Variants in DCAF8L2 observed in about 807,000 individuals in gnomAD.
DCAF8L2 encodes the protein DDB1- and CUL4-associated factor 8-like protein 2.
For synonymous variants in DCAF8L2, 200 were observed against 190.9 expected, an observed-to-expected ratio of 1.05 and a Z score of -0.39; for missense variants, 430 against 490.7, an observed-to-expected ratio of 0.88 and a Z score of 1.17.
the DCAF8L2 span, among the ~76,000 whole-genome samples, chrX:27,494,936 C>CT: frequency 0.019 from 2,127 of 110,959 alleles, 22 homozygotes; most frequent in Middle Eastern, 0.032. Context: ...GAATTCTGAT[C>CT]TTTTTTTTGC....
At chrX:27,646,361 A>G (rs1928937243) in intron 2 of DCAF8L2, among the ~76,000 whole-genome samples, 3 of 107,522 alleles carry the variant, frequency 2.8e-5, no homozygotes, top group Admixed American at 1.0e-4. Flanking sequence ...GGCTAGACAT[A>G]TGCAGAAAAT....
chrX:27,571,932 C>T, the DCAF8L2 span, among the ~76,000 whole-genome samples: 75 of 111,317 alleles, frequency 6.7e-4, no homozygotes, highest in South Asian at 7.6e-3. Flanking sequence ...TTGGTCAACC[C>T]GCTAAATAAG....
the DCAF8L2 span, chrX:27,519,888 TTATA>T: frequency 7.5e-6 from 2 of 266,308 alleles, no homozygotes; most frequent in African/African-American, 5.6e-5. Flanking sequence ...GATATTTTAA[TTATA>T]TACTTTTTTT....
chrX:27,705,822 T>TTGCGATTGTTTTTGC (rs1325221076), intron 3 of DCAF8L2, among the ~76,000 whole-genome samples: 3 of 112,152 alleles, frequency 2.7e-5, no homozygotes, highest in African/African-American at 9.7e-5. Flanking sequence ...GTTGTTTTTG[T>TTGCGATTGTTTTTGC]TGCGATTGTT....
chrX:27,703,810 T>C (rs1412686818), intron 3 of DCAF8L2, among the ~76,000 whole-genome samples: 2 of 110,483 alleles, frequency 1.8e-5, no homozygotes, highest in South Asian at 7.5e-4. Flanking sequence ...TATTTATTTG[T>C]ATTGTATTTA....
chrX:27,737,628 A>G (rs1921605062), intron 4 of DCAF8L2, among the ~76,000 whole-genome samples: 1 of 111,500 alleles, frequency 9.0e-6, no homozygotes, highest in African/African-American at 3.3e-5. Context: ...GCACTTTCAC[A>G]GGACCCTCTG....
intron 1 of DCAF8L2, among the ~76,000 whole-genome samples, chrX:27,622,650 C>G (rs1212866480): frequency 3.6e-5 from 4 of 111,064 alleles, no homozygotes; most frequent in Admixed American, 2.9e-4. Context: ...CTAGATACTT[C>G]TGGATTATTC....
chrX:27,482,518 T>C, the DCAF8L2 span, among the ~76,000 whole-genome samples: 1 of 111,589 alleles, frequency 9.0e-6, no homozygotes, highest in Non-Finnish European at 1.9e-5. Context: ...ATTGTCAAAG[T>C]GTAGGGAATG....
chrX:27,744,005 T>C (rs1319464925), intron 4 of DCAF8L2, among the ~76,000 whole-genome samples: 1 of 111,306 alleles, frequency 9.0e-6, no homozygotes, highest in Non-Finnish European at 1.9e-5. Flanking sequence ...AGTGCTGGGA[T>C]TATAGACGTG....
the DCAF8L2 span, among the ~76,000 whole-genome samples, chrX:27,530,781 G>T: frequency 9.8e-5 from 11 of 111,861 alleles, no homozygotes; most frequent in South Asian, 4.1e-3. Context: ...CATATTATTT[G>T]CTTTGCAAAT....
the DCAF8L2 span, among the ~76,000 whole-genome samples, chrX:27,568,169 C>G: frequency 9.0e-6 from 1 of 111,112 alleles, no homozygotes; most frequent in Non-Finnish European, 1.9e-5. Context: ...CAATGGCCTT[C>G]TATAATTTTT....
At chrX:27,631,367 T>G (rs1381326367) in intron 1 of DCAF8L2, among the ~76,000 whole-genome samples, 3 of 111,484 alleles carry the variant, frequency 2.7e-5, no homozygotes, top group African/African-American at 9.8e-5. Flanking sequence ...ACCATTTCTA[T>G]TCAACATAGT....
At chrX:27,738,448 C>T (rs1921661295) in intron 4 of DCAF8L2, among the ~76,000 whole-genome samples, 1 of 111,319 alleles carries the variant, frequency 9.0e-6, no homozygotes, top group Non-Finnish European at 1.9e-5. Flanking sequence ...TCTTCTTCCT[C>T]ATGTCCTTAA....
chrX:27,478,992 T>C, the DCAF8L2 span, among the ~76,000 whole-genome samples: 1 of 111,669 alleles, frequency 9.0e-6, no homozygotes, highest in Non-Finnish European at 1.9e-5. Context: ...GATTAAAGAA[T>C]AGAATATGAC....
intron 1 of DCAF8L2, among the ~76,000 whole-genome samples, chrX:27,593,815 C>T (rs1926226796): frequency 8.9e-6 from 1 of 111,752 alleles, no homozygotes; most frequent in South Asian, 3.7e-4. Flanking sequence ...CAAGGGACCT[C>T]AGATGCTAGA....
chrX:27,711,278 C>A (rs73534373), intron 3 of DCAF8L2, among the ~76,000 whole-genome samples: 5,783 of 109,749 alleles, frequency 0.053, 368 homozygotes, highest in African/African-American at 0.18. Context: ...CTGTGTCTGG[C>A]GCATTTCACT....
In DCAF8L2 at chrX:27,610,397, A is replaced by ATG. The variant is rs770584868; in HGVS notation, c.-342+19972_-342+19973dup. 2.7e-3 allele frequency among the ~76,000 whole-genome samples: 294 copies of ATG among 108,395 alleles called. 1 individual carries two copies. Among genetic ancestry groups the ATG allele is most frequent in the African/African-American group, 7.0e-3 (210 of 29,938 alleles). The allele number at this position is 108,395 out of a possible 115,157, so 94.1% of individuals were successfully genotyped here. A position where few individuals can be genotyped will look rare whatever the true frequency, so the allele number is the denominator to read the frequency against. On this transcript the variant is annotated intron_variant, in intron 1 of 4. Coordinates refer to ENST00000451261, the MANE Select transcript of DCAF8L2 (RefSeq NM_001353450.2). ...TGTGTATATGTGTGCCTGTGTGTGC[A>ATG]TGTGTGTGTGTGTGTGCGTGATGTT...
chrX:27,655,707 T>C (rs181334255), intron 2 of DCAF8L2, among the ~76,000 whole-genome samples: 1 of 111,774 alleles, frequency 8.9e-6, no homozygotes, highest in African/African-American at 3.2e-5. Context: ...ATCTGTATTT[T>C]AAGCCAGTTT....
intron 1 of DCAF8L2, among the ~76,000 whole-genome samples, chrX:27,629,555 C>T (rs1928201988): frequency 9.3e-6 from 1 of 107,367 alleles, no homozygotes; most frequent in Admixed American, 1.0e-4. Context: ...TCCACAACAC[C>T]ATTTGTTGAA....
Sources: gnomAD v4.1 joint callset for allele counts (sites outside exome capture counted in the v4.1 genomes callset) on GRCh38, gnomAD v4.1.1 for gene constraint, MANE v1.5 for transcripts, NCBI Gene and HGNC (gene_info 2026-07-23, HGNC 2026-07-21) for gene names.